The following CFAP47 variants were observed in gnomAD, a reference collection of about 807,000 sequenced individuals.
CFAP47 encodes the protein cilia and flagella associated protein 47.
Under a neutral mutation model 148.1 loss-of-function variants are expected in CFAP47, and 29 were observed. The observed-to-expected ratio is 0.20, with a 90% confidence interval of 0.15 to 0.27. The LOEUF (loss-of-function observed/expected upper bound fraction) is 0.27, where lower values mean the gene tolerates loss of function less well. CFAP47 is among the 10% of genes least tolerant of loss of function. CFAP47 has a pLI of 1.00. For synonymous variants in CFAP47, 664 were observed against 577.3 expected, an observed-to-expected ratio of 1.15 and a Z score of -2.15; for missense variants, 1,872 against 1,697.5, an observed-to-expected ratio of 1.10 and a Z score of -1.81.
chrX:36,175,094 G>A (rs1177088897), intron 39 of CFAP47, among the ~76,000 whole-genome samples: 6 of 110,999 alleles, frequency 5.4e-5, no homozygotes, highest in South Asian at 3.7e-4. Flanking sequence ...TGATCGCATC[G>A]GCTCCTGAGG....
At position 35,971,764 on chromosome X, in the gene CFAP47, A is replaced by G. The variant is rs201682692; in HGVS notation, c.2149A>G (p.Arg717Gly). ...AGCATCTCAGGAGGAAGAGTCTGTGAGAAGAAAGGCACGTGCAATGTTTTA... is the reference window on the plus strand; with the variant it reads ...AGCATCTCAGGAGGAAGAGTCTGTGGGAAGAAAGGCACGTGCAATGTTTTA... ...GIASQEEESVRRKVLKGLKSE... is the reference protein window; with the variant it reads ...GIASQEEESVGRKVLKGLKSE... The change falls in exon 12 of 64, where the codon AGA becomes GGA. Residue 717 changes from arginine (R) to glycine (G), a missense_variant. By Grantham distance (125) the Arg-to-Gly change is moderately radical. Coordinates refer to ENST00000378653, the MANE Select transcript of CFAP47 (RefSeq NM_001304548.2). 364 of 1,204,783 alleles carry G rather than the reference A, an allele frequency of 3.0e-4. No homozygotes were observed. Among genetic ancestry groups the G allele is most frequent in the Non-Finnish European group, 4.0e-4 (358 of 891,902 alleles).
chrX:36,048,666 C>T, intron 26 of CFAP47, among the ~76,000 whole-genome samples: 2 of 111,745 alleles, frequency 1.8e-5, no homozygotes, highest in Non-Finnish European at 3.8e-5. Flanking sequence ...ACCCTACTTG[C>T]GTCTTACCCA....
At chrX:35,940,242 G>T (rs1427987761) in intron 2 of CFAP47, among the ~76,000 whole-genome samples, 1 of 110,994 alleles carries the variant, frequency 9.0e-6, no homozygotes, top group Non-Finnish European at 1.9e-5. Context: ...CCATTTTGTA[G>T]GTTGCCTGTT....
At chrX:35,942,863 G>T (rs1018079105) in intron 3 of CFAP47, among the ~76,000 whole-genome samples, 1 of 111,707 alleles carries the variant, frequency 9.0e-6, no homozygotes, top group Non-Finnish European at 1.9e-5. Flanking sequence ...AAAATACTGC[G>T]CATTGGCTAT....
chrX:36,251,296 T>C, intron 48 of CFAP47, 37 bp from the exon 49 acceptor site: 1 of 454,182 alleles, frequency 2.2e-6, no homozygotes, highest in Non-Finnish European at 3.9e-6. Context: ...TTTATGTTGA[T>C]ACTACATAAT....
chrX:36,264,293 C>T (rs191201494), intron 49 of CFAP47, among the ~76,000 whole-genome samples: 2 of 111,591 alleles, frequency 1.8e-5, no homozygotes, highest in Admixed American at 9.5e-5. Flanking sequence ...GTACACCCCC[C>T]AGTCCATTGT....
At chrX:36,015,704 C>T (rs1293049750) in intron 22 of CFAP47, among the ~76,000 whole-genome samples, 3 of 111,135 alleles carry the variant, frequency 2.7e-5, no homozygotes, top group East Asian at 2.8e-4. Context: ...AAAGTTTTTC[C>T]CTTTGAATTA....
At chrX:36,240,146 G>T (rs908332460) in intron 48 of CFAP47, among the ~76,000 whole-genome samples, 1 of 111,675 alleles carries the variant, frequency 9.0e-6, no homozygotes, top group African/African-American at 3.3e-5. Flanking sequence ...GGGATGATCT[G>T]ATTTCCAAAG....
intron 46 of CFAP47, 130 bp from the exon 47 acceptor site, chrX:36,235,804 A>T (rs1221170147): frequency 3.1e-5 from 11 of 349,669 alleles, no homozygotes; most frequent in Non-Finnish European, 2.5e-5. Flanking sequence ...ATGACTTTCC[A>T]CTGGTGATTC....
At chrX:36,035,964 T>A in intron 24 of CFAP47, 110 bp downstream of exon 24, 4 of 262,093 alleles carry the variant, frequency 1.5e-5, no homozygotes, top group Non-Finnish European at 2.7e-5. Flanking sequence ...TTCTTTTAAT[T>A]TGAATAATTA....
intron 22 of CFAP47, among the ~76,000 whole-genome samples, chrX:36,016,469 G>A (rs1418442124): frequency 1.8e-5 from 2 of 110,651 alleles, no homozygotes; most frequent in African/African-American, 6.5e-5. Flanking sequence ...CATTCATATT[G>A]TTGCTAATGA....
intron 22 of CFAP47, among the ~76,000 whole-genome samples, chrX:36,023,769 CTA>C (rs1255135401): frequency 8.9e-6 from 1 of 112,235 alleles, no homozygotes; most frequent in African/African-American, 3.2e-5. Context: ...TGCTGCCAGA[CTA>C]CTGCTGATGT....
At chrX:36,039,215 A>C in intron 25 of CFAP47, 36 bp downstream of exon 25, 1 of 759,884 alleles carries the variant, frequency 1.3e-6, no homozygotes, top group Non-Finnish European at 1.8e-6. Flanking sequence ...CATTTTCTTT[A>C]TGTGCTTTTT....
rs782546013 is a variant in CFAP47 at position 36,353,597 on chromosome X, T to A, written c.8767T>A (p.Phe2923Ile). ...AGAAATCATACTGAATGCTGGTTTT[T>A]TCGGATTTAGTCTTACTCCAGATCT... ...KVEIILNAGFFGFSLTPDLTE... is the reference protein window; with the variant it reads ...KVEIILNAGFIGFSLTPDLTE... Residue 2923 changes from phenylalanine to isoleucine, a missense_variant, in exon 60 of 64, where the codon TTC becomes ATC. By Grantham distance (21) the Phe-to-Ile change is conservative. Transcript: ENST00000378653. 5.2e-6 allele frequency: 6 copies of A among 1,161,394 alleles called. No individual in the cohort carries two copies. Among genetic ancestry groups the A allele is most frequent in the Middle Eastern group, 2.3e-4 (1 of 4,314 alleles).
chrX:36,320,017 G>T (rs1556011747), intron 57 of CFAP47, among the ~76,000 whole-genome samples: 1 of 110,573 alleles, frequency 9.0e-6, no homozygotes, highest in African/African-American at 3.3e-5. Context: ...GTAGAGATTG[G>T]GTTTCACCAT....
At chrX:36,233,900 T>C (rs1270344446) in intron 46 of CFAP47, among the ~76,000 whole-genome samples, 4 of 111,266 alleles carry the variant, frequency 3.6e-5, no homozygotes, top group Admixed American at 9.6e-5. Flanking sequence ...ATATGAAATT[T>C]TGGGTTGAAA....
intron 29 of CFAP47, among the ~76,000 whole-genome samples, chrX:36,076,842 G>GT (rs200041863): frequency 0.026 from 2,911 of 111,332 alleles, 93 homozygotes; most frequent in African/African-American, 0.09. Context: ...TGATTCCTAG[G>GT]TTTTCCTCTA....
chrX:36,071,921 C>T lies in CFAP47; in HGVS notation c.4415C>T (p.Thr1472Ile), dbSNP rs750193038. ...CCTGCTTCAATTAAAAAGACATACA[C>T]CACTAGCAAATTCAATGATGCTGAA... The part of the protein sequence containing the change: ...PSPASIKKTY[T>I]TSKFNDAEPA... The change falls in exon 28 of 64, where the codon ACC becomes ATC. Residue 1472 changes from threonine to isoleucine, a missense_variant. Coordinates refer to ENST00000378653, the MANE Select transcript of CFAP47 (RefSeq NM_001304548.2). The T allele has an allele frequency of 1.7e-6, 2 of 1,206,458 alleles. No individual in the cohort carries two copies. Among genetic ancestry groups the T allele is most frequent in the Admixed American group, 2.2e-5 (1 of 45,513 alleles).
chrX:36,189,151 C>A (rs1297264891), intron 41 of CFAP47, among the ~76,000 whole-genome samples: 2 of 111,306 alleles, frequency 1.8e-5, no homozygotes, highest in African/African-American at 6.5e-5. Flanking sequence ...AGCTGTAGAA[C>A]AAACCACCCC....
Sources: allele counts gnomAD v4.1 joint callset (sites outside exome capture counted in the v4.1 genomes callset), GRCh38; gene constraint gnomAD v4.1.1; transcripts MANE v1.5; gene names NCBI Gene and HGNC (gene_info 2026-07-23, HGNC 2026-07-21).